Variants in MAGED2 observed in about 807,000 individuals in gnomAD.
MAGED2 encodes melanoma-associated antigen D2.
Under a neutral mutation model 41.7 loss-of-function variants are expected in MAGED2, and 6 were observed. The ratio of observed to expected loss-of-function variants is 0.14; its 90% CI spans 0.08 to 0.28. The LOEUF is 0.28. MAGED2 is among the 10% of genes least tolerant of loss of function. The probability of loss-of-function intolerance (pLI) is 1.00; values close to 1 mark genes in which losing one functional copy is unlikely to be tolerated. For missense variants in MAGED2, 343 were observed against 486.4 expected, an observed-to-expected ratio of 0.71 and a Z score of 2.77; for synonymous variants, 146 against 178.2, an observed-to-expected ratio of 0.82 and a Z score of 1.44.
chrX:54,811,481 C>A, intron 5 of MAGED2, 93 bp from the exon 6 acceptor site: 1 of 906,231 alleles, frequency 1.1e-6, no homozygotes, highest in Non-Finnish European at 1.6e-6. Flanking sequence ...GGTTATGCCA[C>A]CCTTGGTGTG....
intron 10 of MAGED2, 146 bp downstream of exon 10, chrX:54,813,696 G>A (rs1929877426): frequency 2.1e-6 from 1 of 487,048 alleles, no homozygotes. Context: ...TATTCCTTGG[G>A]CGGTGATGGG....
rs750947746 is a variant in MAGED2 at position 54,812,374 on chromosome X, G to A, written c.1085+123G>A. The A allele has an allele frequency of 5.5e-5, 24 of 433,246 alleles. 1 individual carries two copies. The highest frequency in any genetic ancestry group is 5.1e-4 in the East Asian group (12 of 23,628). 35.7% of individuals were successfully genotyped at this position (433,246 alleles called of 1,213,427 possible). On this transcript the variant is annotated intron_variant, in intron 7 of 12. Transcript: ENST00000375068. Reference sequence around the variant, plus strand: ...GGAAAGACAGGGTCTCAAAAGCCCCGTCCCAGTTCCTATGCATAGTTGGAG... The same window carrying A: ...GGAAAGACAGGGTCTCAAAAGCCCCATCCCAGTTCCTATGCATAGTTGGAG...
chrX:54,810,965 A>T lies in MAGED2; in HGVS notation c.682A>T (p.Arg228Trp). The T allele has an allele frequency of 8.3e-7, 1 of 1,203,854 alleles. No individual in the cohort carries two copies. Among genetic ancestry groups the T allele is most frequent in the Non-Finnish European group, 1.1e-6 (1 of 891,243 alleles). The part of the protein sequence containing the change: ...SRGPIAFWAR[R>W]ASRTRLAAWA... The stretch of plus-strand genomic sequence containing the variant: ...GGGTCCCATAGCCTTTTGGGCCCGC[A>T]GGGCATCAAGGACTCGGTTGGCTGC... The change falls in exon 4 of 13, where the codon AGG (arginine) becomes TGG (tryptophan). Residue 228 changes from arginine (R) to tryptophan (W), a missense_variant. Transcript: ENST00000375068.
intron 2 of MAGED2, 74 bp from the exon 3 acceptor site, chrX:54,809,648 C>A: frequency 8.7e-7 from 1 of 1,151,212 alleles, no homozygotes; most frequent in South Asian, 2.1e-5. Context: ...GAAGTGTGGC[C>A]TTGGAATTTT....
chrX:54,815,113 G>A, intron 11 of MAGED2, 135 bp from the exon 12 acceptor site: 1 of 734,857 alleles, frequency 1.4e-6, no homozygotes, highest in Non-Finnish European at 2.0e-6. Context: ...TACTAAGCAT[G>A]TAGCATAGTG....
chrX:54,808,385 G>A (rs923528797), intron 1 of MAGED2: 3 of 111,387 alleles, frequency 2.7e-5, no homozygotes, highest in Non-Finnish European at 5.7e-5. Flanking sequence ...TCCGAGTTTC[G>A]GAGGGGCTTG....
rs749710147 is a variant in MAGED2, at chrX:54,815,366, G to A, written c.1505G>A (p.Arg502Gln). The change falls in exon 12 of 13, where the codon CGA (arginine) becomes CAA (glutamine). Residue 502 changes from arginine (R) to glutamine (Q), a missense_variant. Transcript: ENST00000375068. ...EAKARAEIRA[R>Q]MGIGLGSENA... ...AAGGCTAGGGCCGAGATTAGAGCTCGAATGGGCATTGGGCTCGGCTCGGAG... is the reference window on the plus strand; with the variant it reads ...AAGGCTAGGGCCGAGATTAGAGCTCAAATGGGCATTGGGCTCGGCTCGGAG... 13 of 1,209,231 alleles carry A rather than the reference G, an allele frequency of 1.1e-5. No homozygotes were observed. The East Asian group carries it at 1.5e-4, about 14-fold the overall frequency.
chrX:54,811,851 C>A (rs973242293), intron 6 of MAGED2, among the ~76,000 whole-genome samples, 198 bp downstream of exon 6: 1 of 111,698 alleles, frequency 9.0e-6, no homozygotes, highest in Non-Finnish European at 1.9e-5. Context: ...GCAGCTAGGA[C>A]CCAAGACACC....
rs1274913735 is a variant in MAGED2, at chrX:54,810,154, G to A, written c.478G>A (p.Ala160Thr). The change falls in exon 3 of 13, where the codon GCC (alanine) becomes ACC (threonine). Residue 160 changes from alanine (A) to threonine (T), a missense_variant. Ala to Thr is a moderately conservative substitution (Grantham distance 58). Transcript: ENST00000375068. ...TGAACCTGAGCCTGAGAGTGCAGCT[G>A]CCCAGTCTCAGGAGAATCAGGATAC... ...ADEPEPESAAAQSQENQDTRP... is the reference protein window; with the variant it reads ...ADEPEPESAATQSQENQDTRP... 8.4e-7 allele frequency: 1 copy of A among 1,186,532 alleles called. No individual in the cohort carries two copies. Among genetic ancestry groups the A allele is most frequent in the Non-Finnish European group, 1.1e-6 (1 of 881,971 alleles).
intron 10 of MAGED2, chrX:54,814,250 A>G (rs892230666): frequency 9.6e-6 from 3 of 313,366 alleles, no homozygotes; most frequent in African/African-American, 8.0e-5. Flanking sequence ...ACAAAGGGTC[A>G]GGAATTCAGC....
chrX:54,813,618 C>T, intron 10 of MAGED2, 68 bp downstream of exon 10: 1 of 907,203 alleles, frequency 1.1e-6, no homozygotes, highest in Non-Finnish European at 1.6e-6. Flanking sequence ...AGTGATAAAG[C>T]CGTGGTGCAT....
intron 10 of MAGED2, 38 bp downstream of exon 10, chrX:54,813,588 T>C (rs1339171009): frequency 9.0e-7 from 1 of 1,113,216 alleles, no homozygotes; most frequent in Non-Finnish European, 1.2e-6. Flanking sequence ...GTCCCATGCA[T>C]TTGGCCTATT....
chrX:54,810,471 A>G (rs1429913835), intron 3 of MAGED2, among the ~76,000 whole-genome samples: 1 of 112,107 alleles, frequency 8.9e-6, no homozygotes, highest in African/African-American at 3.2e-5. Flanking sequence ...TTATCTCATT[A>G]AATCTTGAAA....
chrX:54,811,659 G>A lies in MAGED2; in HGVS notation c.990+6G>A. On this transcript the variant is annotated splice_donor_region_variant and intron_variant, in intron 6 of 12. Coordinates refer to ENST00000375068, the MANE Select transcript of MAGED2 (RefSeq NM_177433.3). The stretch of plus-strand genomic sequence containing the variant: ...CAGGCTATTCCTTGGAGAAGGTGAA[G>A]GGGCAGCCCTGGGGGATGGGCACAG... The A allele has an allele frequency of 8.4e-7, 1 of 1,188,261 alleles. No homozygotes were observed. The highest frequency in any genetic ancestry group is 1.1e-6 in the Non-Finnish European group (1 of 874,324).
chrX:54,810,365 C>T, intron 3 of MAGED2, 152 bp downstream of exon 3: 1 of 417,466 alleles, frequency 2.4e-6, no homozygotes, highest in Non-Finnish European at 4.0e-6. Context: ...AGAGAGCTTG[C>T]AGACTGATGG....
intron 11 of MAGED2, 55 bp downstream of exon 11, chrX:54,814,830 T>A: frequency 3.4e-6 from 3 of 895,300 alleles, no homozygotes; most frequent in Non-Finnish European, 4.9e-6. Flanking sequence ...TGCCCCTGGC[T>A]GGGGCAGGCT....
Position 54,815,078 on chromosome X carries a change from C to A in MAGED2, c.1387-170C>A, listed in dbSNP as rs111547874. Among the ~76,000 whole-genome samples, 1,789 of 111,893 alleles carry A rather than the reference C, an allele frequency of 0.016. 20 individuals are homozygous for A. Among genetic ancestry groups the A allele is most frequent in the African/African-American group, 0.055 (1,692 of 30,781 alleles). On this transcript the variant is annotated intron_variant, in intron 11 of 12. Transcript: ENST00000375068. ...ATTAGGTGCATAATTACTGGTAATACTGTATTATTACTATTATCTTTTTAT... is the reference window on the plus strand; with the variant it reads ...ATTAGGTGCATAATTACTGGTAATAATGTATTATTACTATTATCTTTTTAT...
chrX:54,809,001 C>A, intron 1 of MAGED2: 1 of 325,383 alleles, frequency 3.1e-6, no homozygotes, highest in Non-Finnish European at 5.5e-6. Context: ...GGGCTGAGAG[C>A]GGCCCTGCAG....
At chrX:54,810,731 G>T in intron 3 of MAGED2, 90 bp from the exon 4 acceptor site, 1 of 760,044 alleles carries the variant, frequency 1.3e-6, no homozygotes, top group Non-Finnish European at 1.9e-6. Context: ...ACAGGGGTGG[G>T]ATTAGCGGGT....
Sources: gnomAD v4.1 joint callset for allele counts (sites outside exome capture counted in the v4.1 genomes callset) on GRCh38, gnomAD v4.1.1 for gene constraint, MANE v1.5 for transcripts, NCBI Gene and HGNC (gene_info 2026-07-23, HGNC 2026-07-21) for gene names.